VPS13C: variants seen among roughly 807,000 people sequenced by gnomAD.
The protein encoded by VPS13C is vacuolar protein sorting 13 homolog C, also known as intermembrane lipid transfer protein VPS13C.
A neutral mutation model predicts 456.8 loss-of-function variants in VPS13C; 358 were observed. The ratio of observed to expected loss-of-function variants is 0.78; its 90% CI spans 0.72 to 0.86. VPS13C has a LOEUF of 0.86. Among genes scored for constraint, VPS13C ranks in the 40% least tolerant of loss-of-function variants. The pLI is 0.00. For synonymous variants in VPS13C, 1,578 were observed against 1,486.7 expected (o/e 1.06, Z -1.41); for missense variants, 4,818 against 4,385.4 (o/e 1.10, Z -2.79).
At chr15:61,931,688 C>T (rs1049648045) in intron 49 of VPS13C, among the ~76,000 whole-genome samples, 4 of 151,486 alleles carry the variant, frequency 2.6e-5, no homozygotes, top group African/African-American at 9.7e-5. Flanking sequence ...AGCAATTCTC[C>T]GCCTCAGCCT....
chr15:61,957,922 G>A (rs917594863), intron 37 of VPS13C, among the ~76,000 whole-genome samples: 1 of 151,698 alleles, frequency 6.6e-6, no homozygotes, highest in Non-Finnish European at 1.5e-5. Flanking sequence ...TAGACACCAA[G>A]ATACACTGTT....
intron 33 of VPS13C, 88 bp from the exon 34 acceptor site, chr15:61,962,626 T>G (rs927435688): frequency 1.5e-6 from 2 of 1,374,012 alleles, no homozygotes; most frequent in African/African-American, 3.0e-5. Context: ...ATTTATAATC[T>G]TTATAAAAAA....
rs897460892 is a variant in VPS13C, at chr15:61,866,208, C to T, written c.10863+2451G>A. On this transcript the variant is annotated intron_variant, in intron 81 of 84. Transcript: ENST00000644861. ...CACTTGACATCCACGACAAAAACTA[C>T]CAAGTCCTCTCATTAGTGTATAATC... The T allele has an allele frequency of 1.2e-5, 12 of 984,794 alleles. No individual in the cohort carries two copies. The African/African-American group carries it at 2.1e-4, about 17-fold the overall frequency. The allele number at this position is 984,794 out of a possible 1,614,324, so 61.0% of individuals were successfully genotyped here. A position where few individuals can be genotyped will look rare whatever the true frequency, so the allele number is the denominator to read the frequency against.
At chr15:61,906,308 C>T (rs544097521) in intron 66 of VPS13C, among the ~76,000 whole-genome samples, 8 of 152,256 alleles carry the variant, frequency 5.3e-5, no homozygotes, top group Non-Finnish European at 1.5e-5. Flanking sequence ...GGTGGAATCA[C>T]CCTCTCTTCC....
At chr15:62,048,067 TG>T (rs898366106) in intron 1 of VPS13C, among the ~76,000 whole-genome samples, 4 of 147,726 alleles carry the variant, frequency 2.7e-5, no homozygotes, top group African/African-American at 1.1e-4. Context: ...TTTGGTTTTT[TG>T]GTTTTTTTTT....
intron 79 of VPS13C, among the ~76,000 whole-genome samples, chr15:61,870,348 T>C (rs893053295): frequency 6.6e-6 from 1 of 152,140 alleles, no homozygotes; most frequent in African/African-American, 2.4e-5. Flanking sequence ...GATTTGCCTA[T>C]TCTGGACATT....
At chr15:62,022,924 G>T (rs1001855048) in intron 8 of VPS13C, among the ~76,000 whole-genome samples, 3 of 151,862 alleles carry the variant, frequency 2.0e-5, no homozygotes, top group Admixed American at 2.0e-4. Flanking sequence ...GGTTTCTTCT[G>T]TGCAACTACT....
In VPS13C at chr15:61,974,362, T is replaced by C; in HGVS notation, c.2464A>G (p.Met822Val). ...LMHVRISDQKMKDVLYLMNSI... is the reference protein window; with the variant it reads ...LMHVRISDQKVKDVLYLMNSI... ...TTCATCAAATATAGCACATCTTTCATCTTCTGGTCAGAAATTCTCACATGC... is the reference window on the plus strand; with the variant it reads ...TTCATCAAATATAGCACATCTTTCACCTTCTGGTCAGAAATTCTCACATGC... Residue 822 changes from methionine to valine, a missense_variant, in exon 25 of 85, where the codon ATG becomes GTG. Coordinates refer to ENST00000644861, the MANE Select transcript of VPS13C (RefSeq NM_020821.3). The C allele has an allele frequency of 1.9e-6, 3 of 1,612,782 alleles. No homozygotes were observed. Among genetic ancestry groups the C allele is most frequent in the Non-Finnish European group, 2.5e-6 (3 of 1,179,072 alleles).
At position 61,909,119 on chromosome 15, in the gene VPS13C, C is replaced by T. The variant is rs758948442; in HGVS notation, c.8851G>A (p.Gly2951Ser). Residue 2951 changes from glycine (G) to serine (S), a missense_variant, in exon 65 of 85, where the codon GGT (glycine) becomes AGT (serine). By Grantham distance (56) the Gly-to-Ser change is moderately conservative. Transcript: ENST00000644861. ...GCAGTGTTTACATCCACCAAGATAC[C>T]CCCATTCTATTGTAGAAAAAAAAAA... ...TLLSLEDLNG[G>S]ILVDVNTAEH... 3.7e-6 allele frequency: 6 copies of T among 1,604,980 alleles called. No individual in the cohort carries two copies. Among genetic ancestry groups the T allele is most frequent in the African/African-American group, 2.7e-5 (2 of 73,326 alleles).
chr15:61,905,529 A>G (rs1003808142), intron 66 of VPS13C, among the ~76,000 whole-genome samples: 7 of 152,326 alleles, frequency 4.6e-5, no homozygotes, highest in African/African-American at 1.4e-4. Context: ...CTTTGAAGTC[A>G]GACAGATCTG....
At chr15:62,052,622 G>A (rs897384430) in intron 1 of VPS13C, among the ~76,000 whole-genome samples, 2 of 142,108 alleles carry the variant, frequency 1.4e-5, no homozygotes, top group East Asian at 2.1e-4. Flanking sequence ...GCAGTGAGCC[G>A]AGATTGTGCC....
In VPS13C at chr15:61,897,204, T is replaced by C. The variant is rs183901185; in HGVS notation, c.9106-6804A>G. Among the ~76,000 whole-genome samples the C allele has an allele frequency of 9.5e-4, 145 of 152,190 alleles. 1 individual carries two copies. Among genetic ancestry groups the C allele is most frequent in the African/African-American group, 3.4e-3 (142 of 41,528 alleles). ...CTAAAGAGCGGAGCACCTCTCCTCC[T>C]CCAAAGGAATGCAGTTCCTCACCAG... is the stretch of plus-strand genomic sequence containing the variant. On this transcript the variant is annotated intron_variant, in intron 66 of 84. Transcript: ENST00000644861.
At chr15:62,044,330 G>A in intron 1 of VPS13C, 75 bp from the exon 2 acceptor site, 1 of 917,846 alleles carries the variant, frequency 1.1e-6, no homozygotes. Context: ...GTAGTACCAA[G>A]CACTAAGAAA....
intron 44 of VPS13C, 65 bp from the exon 45 acceptor site, chr15:61,945,947 T>C (rs1304747703): frequency 7.5e-7 from 1 of 1,324,580 alleles, no homozygotes; most frequent in Non-Finnish European, 1.0e-6. Context: ...CAATGTATTA[T>C]AAATAAGTTC....
At chr15:61,916,150 T>C (rs1596327096) in intron 60 of VPS13C, 128 bp from the exon 61 acceptor site, 3 of 1,075,080 alleles carry the variant, frequency 2.8e-6, no homozygotes, top group Non-Finnish European at 3.9e-6. Flanking sequence ...TGAAGTACCA[T>C]GCTTACATAT....
chr15:62,026,203 T>A (rs1223798776), intron 6 of VPS13C, among the ~76,000 whole-genome samples: 1 of 151,550 alleles, frequency 6.6e-6, no homozygotes, highest in Non-Finnish European at 1.5e-5. Context: ...GGTAGCTGCA[T>A]CATGGAATCT....
At chr15:61,974,689 C>T (rs1010570009) in intron 24 of VPS13C, among the ~76,000 whole-genome samples, 1 of 152,088 alleles carries the variant, frequency 6.6e-6, no homozygotes, top group Admixed American at 6.6e-5. Flanking sequence ...AATTCTCTAC[C>T]TTTCAAAACC....
intron 37 of VPS13C, among the ~76,000 whole-genome samples, chr15:61,955,216 A>G (rs1234157018): frequency 2.0e-5 from 3 of 152,178 alleles, no homozygotes; most frequent in Non-Finnish European, 4.4e-5. Context: ...ACACTGTTCT[A>G]AGGTCTGTAT....
intron 66 of VPS13C, among the ~76,000 whole-genome samples, chr15:61,901,900 G>A (rs2043009527): frequency 6.6e-6 from 1 of 151,998 alleles, no homozygotes; most frequent in Admixed American, 6.6e-5. Flanking sequence ...AAGAAAATGT[G>A]GCACATATAC....
Sources: allele counts gnomAD v4.1 joint callset (sites outside exome capture counted in the v4.1 genomes callset), GRCh38; gene constraint gnomAD v4.1.1; transcripts MANE v1.5; gene names NCBI Gene and HGNC (gene_info 2026-07-23, HGNC 2026-07-21).